The following PNKD variants were observed in gnomAD, a reference collection of about 807,000 sequenced individuals.
PNKD encodes the protein PNKD metallo-beta-lactamase domain containing.
A neutral mutation model predicts 45.3 loss-of-function variants in PNKD; 36 were observed. That is an observed-to-expected ratio of 0.80 (90% CI 0.61 to 1.05). The LOEUF (loss-of-function observed/expected upper bound fraction) is 1.05, where lower values mean the gene tolerates loss of function less well. PNKD is among the 50% of genes least tolerant of loss of function. PNKD has a pLI of 0.00. For synonymous variants in PNKD, 197 were observed against 210.1 expected (o/e 0.94, Z 0.54); for missense variants, 511 against 506.6 (o/e 1.01, Z -0.08).
chr2:218,301,399 A>T (rs1049546150), intron 2 of PNKD, among the ~76,000 whole-genome samples: 8 of 152,190 alleles, frequency 5.3e-5, no homozygotes, highest in Non-Finnish European at 1.0e-4. Flanking sequence ...AACAAGTCAA[A>T]AACTGACATC....
intron 2 of PNKD, among the ~76,000 whole-genome samples, chr2:218,332,115 G>A (rs1258620523): frequency 6.6e-6 from 1 of 152,188 alleles, no homozygotes; most frequent in Non-Finnish European, 1.5e-5. Flanking sequence ...GAAGACTTTT[G>A]AGCAGGAGCA....
chr2:218,275,803 A>G (rs1342321682), intron 2 of PNKD, among the ~76,000 whole-genome samples: 1 of 152,176 alleles, frequency 6.6e-6, no homozygotes, highest in Non-Finnish European at 1.5e-5. Context: ...AGGCAGACAC[A>G]CCGTTCTCAA....
At chr2:218,295,900 C>CA (rs1298220503) in intron 2 of PNKD, among the ~76,000 whole-genome samples, 1 of 147,424 alleles carries the variant, frequency 6.8e-6, no homozygotes, top group African/African-American at 2.5e-5. Flanking sequence ...GGCTGGAGTA[C>CA]AGTAGTGCGA....
At chr2:218,319,101 T>C (rs896003182) in intron 2 of PNKD, among the ~76,000 whole-genome samples, 1 of 150,514 alleles carries the variant, frequency 6.6e-6, no homozygotes, top group Non-Finnish European at 1.5e-5. Flanking sequence ...ACAAGAGGCT[T>C]GTGCCACCAT....
intron 2 of PNKD, among the ~76,000 whole-genome samples, chr2:218,310,253 C>T (rs1031078892): frequency 6.6e-6 from 1 of 152,174 alleles, no homozygotes; most frequent in African/African-American, 2.4e-5. Context: ...GACGGAATCT[C>T]ACTCTGTCAC....
intron 2 of PNKD, among the ~76,000 whole-genome samples, chr2:218,315,028 C>CTTT (rs1693744827): frequency 1.5e-3 from 2 of 1,350 alleles, no homozygotes; most frequent in Non-Finnish European, 0.013. Flanking sequence ...TTCTTTCTTT[C>CTTT]TTTCTTTCTT....
At chr2:218,276,069 A>G in intron 2 of PNKD, 1 of 1,613,138 alleles carries the variant, frequency 6.2e-7, no homozygotes, top group South Asian at 1.1e-5. Flanking sequence ...GAGCATGTGG[A>G]GCCAGTAAAC....
At chr2:218,309,268 A>C (rs1238051777) in intron 2 of PNKD, among the ~76,000 whole-genome samples, 1 of 151,434 alleles carries the variant, frequency 6.6e-6, no homozygotes, top group Non-Finnish European at 1.5e-5. Flanking sequence ...AATACAAAAA[A>C]ATTAGCCGGG....
At position 218,326,396 on chromosome 2, in the gene PNKD, T is replaced by G. The variant is rs1694156549; in HGVS notation, c.237-13387T>G. Among the ~76,000 whole-genome samples, 1 of 152,190 alleles carries G rather than the reference T, an allele frequency of 6.6e-6. No homozygotes were observed. The highest frequency in any genetic ancestry group is 1.5e-5 in the Non-Finnish European group (1 of 68,032). ...GTGGGGCCTGGGAGACAGTGTGGAT[T>G]GTAGCAAAGCACACAGCATGTGGGG... On this transcript the variant is annotated intron_variant, in intron 2 of 9. Coordinates refer to ENST00000273077, the MANE Select transcript of PNKD (RefSeq NM_015488.5). The surrounding 1 kb of genome is among the most constrained non-coding windows in gnomAD (Gnocchi z 4.1).
chr2:218,298,305 C>T (rs1574674627), intron 2 of PNKD, among the ~76,000 whole-genome samples: 1 of 152,244 alleles, frequency 6.6e-6, no homozygotes, highest in Admixed American at 6.5e-5. Context: ...ATACTTCTTT[C>T]CAGACCTGTG....
rs773884627 is a variant in PNKD, at chr2:218,343,493, C to T, written c.782-7C>T. 8.1e-6 allele frequency: 13 copies of T among 1,611,506 alleles called. No individual in the cohort carries two copies. The highest frequency in any genetic ancestry group is 3.3e-5 in the Admixed American group (2 of 59,866). ...ACCTTGTGACATACCCTCCAACCCC[C>T]ACCCAGGGCGGACCTTTGAGGGCAA... On this transcript the variant is annotated splice_polypyrimidine_tract_variant and splice_region_variant and intron_variant, in intron 7 of 9. Transcript: ENST00000273077.
intron 2 of PNKD, among the ~76,000 whole-genome samples, chr2:218,325,300 C>T (rs373835150): frequency 7.2e-4 from 108 of 150,454 alleles, no homozygotes; most frequent in East Asian, 2.2e-3. Flanking sequence ...CTCCGCCTCC[C>T]GGGTTCAAGC....
At chr2:218,275,928 A>AT in intron 2 of PNKD, 1 of 1,415,274 alleles carries the variant, frequency 7.1e-7, no homozygotes, top group Non-Finnish European at 9.8e-7. Context: ...CTATGGCCCC[A>AT]TTCCCTGCCT....
At chr2:218,301,530 T>C (rs991209228) in intron 2 of PNKD, among the ~76,000 whole-genome samples, 1 of 152,178 alleles carries the variant, frequency 6.6e-6, no homozygotes, top group African/African-American at 2.4e-5. Context: ...CTCACACCTG[T>C]AATTCTGCAT....
Position 218,340,200 on chromosome 2 carries a change from G to A in PNKD, c.465+59G>A, listed in dbSNP as rs1031216007. On this transcript the variant is annotated intron_variant, in intron 4 of 9. Transcript: ENST00000273077. This position sits in a 1 kb window ranked among gnomAD's most constrained non-coding sequence, Gnocchi z 4.2. Reference sequence around the variant, plus strand: ...AGTCACCTTGGGGACTGGCAGTTTCGCCTTGCTAGAGAGGGCTGACCCTTG... The same window carrying A: ...AGTCACCTTGGGGACTGGCAGTTTCACCTTGCTAGAGAGGGCTGACCCTTG... The A allele has an allele frequency of 5.8e-5, 62 of 1,074,534 alleles. No homozygotes were observed. Among genetic ancestry groups the A allele is most frequent in the African/African-American group, 1.2e-4 (8 of 64,580 alleles). The allele number at this position is 1,074,534 out of a possible 1,614,324, so 66.6% of individuals were successfully genotyped here.
intron 2 of PNKD, among the ~76,000 whole-genome samples, chr2:218,329,426 C>T (rs1386360447): frequency 6.6e-6 from 1 of 152,230 alleles, no homozygotes; most frequent in Non-Finnish European, 1.5e-5. Context: ...GGGCAGGTGG[C>T]CTGGGATTAC....
At chr2:218,313,909 T>C (rs1161605344) in intron 2 of PNKD, among the ~76,000 whole-genome samples, 9 of 145,366 alleles carry the variant, frequency 6.2e-5, no homozygotes, top group African/African-American at 2.0e-4. Context: ...ATTTCTTTTT[T>C]TTTTTTTTTT....
chr2:218,313,134 C>T (rs1276966684), intron 2 of PNKD, among the ~76,000 whole-genome samples: 2 of 149,698 alleles, frequency 1.3e-5, no homozygotes, highest in Non-Finnish European at 3.0e-5. Context: ...GAGACAGTCT[C>T]ACTCTGTCGC....
intron 2 of PNKD, among the ~76,000 whole-genome samples, chr2:218,318,819 G>A (rs1216134931): frequency 6.6e-6 from 1 of 152,052 alleles, no homozygotes; most frequent in Non-Finnish European, 1.5e-5. Flanking sequence ...CGTAAGCACA[G>A]TAATATTAGT....
Sources: gnomAD v4.1 joint callset for allele counts (sites outside exome capture counted in the v4.1 genomes callset) on GRCh38, gnomAD v4.1.1 for gene constraint, Gnocchi (gnomAD v3.1) non-coding constraint, MANE v1.5 for transcripts, NCBI Gene and HGNC (gene_info 2026-07-23, HGNC 2026-07-21) for gene names.